MYRIP: variants seen among roughly 807,000 people sequenced by gnomAD.
The protein encoded by MYRIP is myosin VIIA and Rab interacting protein, also known as rab effector MyRIP.
In MYRIP, 49 loss-of-function variants were observed where a neutral mutation model predicts 98.0. That is an observed-to-expected ratio of 0.50 (90% CI 0.40 to 0.63). The LOEUF (loss-of-function observed/expected upper bound fraction) is 0.63, where lower values mean the gene tolerates loss of function less well. Ranked by LOEUF, MYRIP falls within the 30% of genes least tolerant of loss-of-function variation. The probability of loss-of-function intolerance (pLI) is 0.00; values close to 1 mark genes in which losing one functional copy is unlikely to be tolerated. For synonymous variants in MYRIP, 404 were observed against 409.5 expected (o/e 0.99, Z 0.16); for missense variants, 1,004 against 1,058.2 (o/e 0.95, Z 0.71).
chr3:39,919,727 T>TGTGTGAGAGAGAGAGA (rs1553645683), intron 2 of MYRIP, among the ~76,000 whole-genome samples: 81 of 123,480 alleles, frequency 6.6e-4, no homozygotes, highest in African/African-American at 2.4e-3. Flanking sequence ...TGTGTGTGTG[T>TGTGTGAGAGAGAGAGA]GAGAGAGAGA....
At chr3:39,990,119 C>G (rs1368880446) in intron 2 of MYRIP, among the ~76,000 whole-genome samples, 1 of 152,196 alleles carries the variant, frequency 6.6e-6, no homozygotes, top group African/African-American at 2.4e-5. Flanking sequence ...ACCCTAGACC[C>G]CAGTGGAATG....
At chr3:40,180,218 T>C (rs1247422895) in intron 8 of MYRIP, among the ~76,000 whole-genome samples, 1 of 152,196 alleles carries the variant, frequency 6.6e-6, no homozygotes, top group Admixed American at 6.5e-5. Flanking sequence ...TAAGTGTAGA[T>C]GACAGTGGGA....
At chr3:40,126,905 G>A (rs1277520691) in intron 3 of MYRIP, among the ~76,000 whole-genome samples, 1 of 152,222 alleles carries the variant, frequency 6.6e-6, no homozygotes, top group Non-Finnish European at 1.5e-5. Context: ...GCAGGTGACA[G>A]ACCCAGTTGG....
chr3:40,251,908 CT>C lies in MYRIP; in HGVS notation c.2457del (p.Thr820ProfsTer29), dbSNP rs1196942598. ...KAEKIETSSV[T>X]TIKTFNHNFI... ...GAAAAAATTGAGACATCTTCAGTGA[CT>C]ACCATTAAAACATTTAACCACAACT... On this transcript the variant is annotated frameshift_variant, in exon 16 of 17. Transcript: ENST00000302541. LOFTEE classifies it high-confidence loss of function. 1.2e-6 allele frequency: 2 copies of C among 1,613,326 alleles called. No homozygotes were observed. The highest frequency in any genetic ancestry group is 8.5e-7 in the Non-Finnish European group (1 of 1,179,328).
chr3:39,824,010 C>A (rs1941193775), intron 1 of MYRIP, among the ~76,000 whole-genome samples: 1 of 151,988 alleles, frequency 6.6e-6, no homozygotes, highest in Non-Finnish European at 1.5e-5. Flanking sequence ...GATCTTTAAT[C>A]CATTTTGAAT....
intron 2 of MYRIP, among the ~76,000 whole-genome samples, chr3:40,042,062 G>A (rs1253656007): frequency 2.4e-5 from 3 of 125,058 alleles, no homozygotes; most frequent in African/African-American, 6.1e-5. Flanking sequence ...AACAACCCCT[G>A]ACCAAGAATC....
chr3:39,945,498 A>G (rs1553648506), intron 2 of MYRIP, among the ~76,000 whole-genome samples: 1 of 149,602 alleles, frequency 6.7e-6, no homozygotes, highest in Non-Finnish European at 1.5e-5. Flanking sequence ...AAAAGAAAAA[A>G]GAAAAAAAAA....
intron 3 of MYRIP, among the ~76,000 whole-genome samples, chr3:40,129,243 C>A (rs1949585208): frequency 6.6e-6 from 1 of 151,436 alleles, no homozygotes; most frequent in African/African-American, 2.4e-5. Flanking sequence ...TCAAGACTAG[C>A]CTGGCCAACA....
chr3:39,926,920 G>A (rs754420201), intron 2 of MYRIP, among the ~76,000 whole-genome samples: 9 of 152,030 alleles, frequency 5.9e-5, no homozygotes, highest in Admixed American at 2.0e-4. Flanking sequence ...GCTTTGAACA[G>A]TATGGCCATT....
intron 2 of MYRIP, among the ~76,000 whole-genome samples, chr3:40,019,263 C>T (rs969217584): frequency 2.0e-5 from 3 of 152,196 alleles, no homozygotes; most frequent in Non-Finnish European, 4.4e-5. Flanking sequence ...ACCTGCTCCC[C>T]AGCCTTTCCT....
At chr3:40,138,156 A>G (rs908608546) in intron 3 of MYRIP, among the ~76,000 whole-genome samples, 1 of 152,256 alleles carries the variant, frequency 6.6e-6, no homozygotes, top group South Asian at 2.1e-4. Context: ...TGTTGCCCGC[A>G]TTGCGGCACA....
At chr3:40,153,409 T>C (rs948941627) in intron 4 of MYRIP, among the ~76,000 whole-genome samples, 14 of 152,242 alleles carry the variant, frequency 9.2e-5, no homozygotes, top group Non-Finnish European at 1.8e-4. Context: ...GAGTCCTTCA[T>C]TAGCTTTTGC....
chr3:39,900,494 G>C (rs982667346), intron 1 of MYRIP, among the ~76,000 whole-genome samples: 3 of 151,894 alleles, frequency 2.0e-5, no homozygotes, highest in African/African-American at 7.2e-5. Flanking sequence ...TTGGCATTTT[G>C]CAGAAATCCA....
rs538719613 is a variant in MYRIP at position 39,967,439 on chromosome 3, AT to A, written c.110+66515del. Among the ~76,000 whole-genome samples, 162 of 152,258 alleles carry A rather than the reference AT, an allele frequency of 1.1e-3. 1 individual carries two copies. The highest frequency in any genetic ancestry group is 3.7e-3 in the African/African-American group (152 of 41,544). ...ATCTTATTCATTTTTAGGGCTGTAT[AT>A]TATTTCATGGTACATATGTACCATA... On this transcript the variant is annotated intron_variant, in intron 2 of 16. Transcript: ENST00000302541.
intron 11 of MYRIP, among the ~76,000 whole-genome samples, chr3:40,224,935 T>G (rs1952446404): frequency 6.6e-6 from 1 of 152,244 alleles, no homozygotes; most frequent in African/African-American, 2.4e-5. Flanking sequence ...TTGACGGGTT[T>G]TAGCGGCATT....
Position 40,209,952 on chromosome 3 carries a change from C to T in MYRIP, c.1764C>T (p.Tyr588=), listed in dbSNP as rs201459866. The change falls in exon 11 of 17, where the codon TAC becomes TAT. Residue 588 remains tyrosine, a synonymous_variant. Transcript: ENST00000302541. ...TTEEKRRNRL[Y]ELAMKMSEKE... ...AGGAGAAACGGAGAAACAGGCTGTA[C>T]GAGTTAGCAATGAAAATGAGTGAAA... 9.0e-5 allele frequency: 146 copies of T among 1,613,928 alleles called. No individual in the cohort carries two copies. The highest frequency in any genetic ancestry group is 1.7e-4 in the Admixed American group (10 of 59,986).
At chr3:39,967,486 C>A (rs7639001) in intron 2 of MYRIP, among the ~76,000 whole-genome samples, 42,193 of 151,914 alleles carry the variant, frequency 0.28, 6,484 homozygotes, top group Non-Finnish European at 0.35. Flanking sequence ...CCAGCCTGTC[C>A]TTGATGGGCA....
intron 1 of MYRIP, among the ~76,000 whole-genome samples, chr3:39,858,120 A>G (rs1386035450): frequency 6.6e-6 from 1 of 152,174 alleles, no homozygotes; most frequent in Non-Finnish European, 1.5e-5. Flanking sequence ...TTTAAAAGAC[A>G]AGGTCTAGTG....
intron 1 of MYRIP, among the ~76,000 whole-genome samples, chr3:39,862,039 A>G (rs1232792052): frequency 6.6e-6 from 1 of 152,202 alleles, no homozygotes; most frequent in Non-Finnish European, 1.5e-5. Context: ...ACATGTAGTT[A>G]TCAGATTCTC....
Sources: gnomAD v4.1 joint callset for allele counts (sites outside exome capture counted in the v4.1 genomes callset) on GRCh38, gnomAD v4.1.1 for gene constraint, MANE v1.5 for transcripts, NCBI Gene and HGNC (gene_info 2026-07-23, HGNC 2026-07-21) for gene names.